SEMA6A: variants seen among roughly 807,000 people sequenced by gnomAD.
The protein encoded by SEMA6A is semaphorin-6A.
SEMA6A carries 25 observed loss-of-function variants against 96.8 expected under a neutral mutation model. The observed-to-expected ratio is 0.26, with a 90% CI of 0.19 to 0.36. SEMA6A has a LOEUF of 0.36. SEMA6A is among the 10% of genes least tolerant of loss of function. The pLI is 1.00. For synonymous variants in SEMA6A, 612 were observed against 518.0 expected, an observed-to-expected ratio of 1.18 and a Z score of -2.46; for missense variants, 1,363 against 1,323.1, an observed-to-expected ratio of 1.03 and a Z score of -0.47.
At chr5:116,457,298 T>G (rs1033206691) in intron 18 of SEMA6A, among the ~76,000 whole-genome samples, 1 of 152,178 alleles carries the variant, frequency 6.6e-6, no homozygotes, top group Non-Finnish European at 1.5e-5. Context: ...ATGACATGCT[T>G]TAATACGTCC....
intron 1 of SEMA6A, among the ~76,000 whole-genome samples, chr5:116,534,522 G>A (rs1055548136): frequency 2.6e-5 from 4 of 152,148 alleles, no homozygotes; most frequent in African/African-American, 7.2e-5. Context: ...GCTCCTGGCT[G>A]GCTTCTCCAC....
intron 1 of SEMA6A, among the ~76,000 whole-genome samples, chr5:116,560,804 C>T (rs2112904087): frequency 1.3e-5 from 2 of 152,160 alleles, no homozygotes; most frequent in East Asian, 3.9e-4. Context: ...TAAGAACCTC[C>T]AGAGACAGTG....
chr5:116,569,010 G>C (rs1761112214), intron 1 of SEMA6A, among the ~76,000 whole-genome samples: 2 of 152,224 alleles, frequency 1.3e-5, no homozygotes, highest in Admixed American at 1.3e-4. Flanking sequence ...TGTTATGGAT[G>C]GCCCATGATG....
chr5:116,502,059 T>C, intron 3 of SEMA6A, 151 bp downstream of exon 3: 1 of 626,384 alleles, frequency 1.6e-6, no homozygotes, highest in Admixed American at 3.0e-5. Context: ...AATTTTGAAA[T>C]AATGATTGCT....
At chr5:116,505,035 A>G in intron 1 of SEMA6A, 53 bp from the exon 2 acceptor site, 2 of 745,256 alleles carry the variant, frequency 2.7e-6, no homozygotes, top group Non-Finnish European at 4.6e-6. Context: ...GTTCAATGCC[A>G]TAAAATGAAA....
intron 1 of SEMA6A, among the ~76,000 whole-genome samples, chr5:116,511,700 C>G (rs1381203000): frequency 6.6e-6 from 1 of 152,200 alleles, no homozygotes; most frequent in African/African-American, 2.4e-5. Context: ...CACTTTATGG[C>G]CCTGTGATTG....
chr5:116,560,248 T>C (rs1196681642), intron 1 of SEMA6A, among the ~76,000 whole-genome samples: 1 of 152,232 alleles, frequency 6.6e-6, no homozygotes, highest in Non-Finnish European at 1.5e-5. Context: ...TAGCATCTTC[T>C]GCATTCTGCA....
intron 1 of SEMA6A, among the ~76,000 whole-genome samples, chr5:116,558,898 C>CG (rs1760704858): frequency 1.3e-5 from 2 of 152,092 alleles, no homozygotes; most frequent in Non-Finnish European, 2.9e-5. Context: ...AACATTGAGC[C>CG]GGGGGGAGAG....
chr5:116,492,582 G>C (rs1011946131), intron 6 of SEMA6A: 2 of 152,208 alleles, frequency 1.3e-5, no homozygotes, highest in African/African-American at 4.8e-5. Flanking sequence ...GGAGGAAAAA[G>C]GCAGGGAGTG....
At chr5:116,516,082 T>G (rs1758653794) in intron 1 of SEMA6A, among the ~76,000 whole-genome samples, 1 of 152,220 alleles carries the variant, frequency 6.6e-6, no homozygotes, top group South Asian at 2.1e-4. Flanking sequence ...GTGTCAGCCC[T>G]CATTGTATTT....
chr5:116,471,514 G>A (rs531273142), intron 17 of SEMA6A: 37 of 152,302 alleles, frequency 2.4e-4, no homozygotes, highest in African/African-American at 8.7e-4. Flanking sequence ...GAAAAAAGCA[G>A]ATGCTAAGTG....
intron 1 of SEMA6A, among the ~76,000 whole-genome samples, chr5:116,508,935 C>G (rs866176331): frequency 5.3e-5 from 8 of 152,226 alleles, no homozygotes; most frequent in Non-Finnish European, 7.3e-5. Flanking sequence ...TCTTGACCAT[C>G]ATCTGCAAGT....
chr5:116,502,245 A>G lies in SEMA6A; in HGVS notation c.183T>C (p.Ile61=). The change falls in exon 3 of 19, where the codon ATT becomes ATC. Residue 61 remains isoleucine, a synonymous_variant. Coordinates refer to ENST00000343348, the MANE Select transcript of SEMA6A (RefSeq NM_020796.5). ...TQRHRLDIQM[I]MIMNGTLYIA... is the part of the protein sequence containing the mutation. ...TGTAGAGGGTTCCGTTCATGATCAT[A>G]ATCATCTGGATGTCCAGCCTGTGCC... The G allele has an allele frequency of 3.7e-6, 6 of 1,613,934 alleles. No individual in the cohort carries two copies. The highest frequency in any genetic ancestry group is 3.4e-6 in the Non-Finnish European group (4 of 1,179,860).
rs116330212 is a variant in SEMA6A at position 116,525,160 on chromosome 5, C to T, written c.-38-20178G>A. ...TATTTATTCAGCACCTACTGTGTGC[C>T]AGGCATGTTCCCGACACTGAGTATT... On this transcript the variant is annotated intron_variant, in intron 1 of 18. Transcript: ENST00000343348. Among the ~76,000 whole-genome samples the T allele has an allele frequency of 3.7e-3, 563 of 152,248 alleles. 1 individual carries two copies. The highest frequency in any genetic ancestry group is 5.7e-3 in the Non-Finnish European group (390 of 68,016).
At chr5:116,501,696 T>A (rs1580444391) in intron 3 of SEMA6A, among the ~76,000 whole-genome samples, 2 of 152,174 alleles carry the variant, frequency 1.3e-5, no homozygotes, top group South Asian at 2.1e-4. Flanking sequence ...AAGACCAGCC[T>A]GACCAACATA....
At position 116,443,599 on chromosome 5, in the gene SEMA6A, C is replaced by G. The variant is rs1369182108; in HGVS notation, c.*3014G>C. 1.3e-5 allele frequency: 2 copies of G among 152,474 alleles called. No individual in the cohort carries two copies. Among genetic ancestry groups the G allele is most frequent in the Admixed American group, 6.6e-5 (1 of 15,254 alleles). The allele number at this position is 152,474 out of a possible 1,614,324, so 9.4% of individuals were successfully genotyped here. A position where few individuals can be genotyped will look rare whatever the true frequency, so the allele number is the denominator to read the frequency against. On this transcript the variant is annotated 3_prime_UTR_variant, in exon 19 of 19. Coordinates refer to ENST00000343348, the MANE Select transcript of SEMA6A (RefSeq NM_020796.5). ...TTTATTACTTTTAAGTAATAAAGAGCCTTTTCCTTGCTTTTCTTTTTTCCC... is the reference window on the plus strand; with the variant it reads ...TTTATTACTTTTAAGTAATAAAGAGGCTTTTCCTTGCTTTTCTTTTTTCCC...
intron 17 of SEMA6A, chr5:116,472,197 C>T (rs1296764424): frequency 6.6e-6 from 1 of 152,144 alleles, no homozygotes; most frequent in Non-Finnish European, 1.5e-5. Flanking sequence ...TTCAACTTCT[C>T]ATATAAAGAG....
chr5:116,479,090 C>A (rs1756620793), intron 12 of SEMA6A, among the ~76,000 whole-genome samples: 1 of 152,150 alleles, frequency 6.6e-6, no homozygotes, highest in South Asian at 2.1e-4. Context: ...TTCATTTAAC[C>A]TTTAATTTAA....
chr5:116,487,588 G>T (rs928605805), intron 9 of SEMA6A, among the ~76,000 whole-genome samples: 6 of 152,194 alleles, frequency 3.9e-5, no homozygotes, highest in African/African-American at 1.4e-4. Context: ...CTCGGGCCAG[G>T]TGCGGAGGCT....
Sources: allele counts gnomAD v4.1 joint callset (sites outside exome capture counted in the v4.1 genomes callset), GRCh38; gene constraint gnomAD v4.1.1; transcripts MANE v1.5; gene names NCBI Gene and HGNC (gene_info 2026-07-23, HGNC 2026-07-21).